The following FBXL17 variants were observed in gnomAD, a reference collection of about 807,000 sequenced individuals.
FBXL17 encodes F-box/LRR-repeat protein 17.
In FBXL17, 22 loss-of-function variants were observed where a neutral mutation model predicts 66.2. That is an observed-to-expected ratio of 0.33 (90% CI 0.24 to 0.47). The LOEUF (loss-of-function observed/expected upper bound fraction) is 0.47. FBXL17 is among the 20% of genes least tolerant of loss of function. The pLI, the probability that FBXL17 is intolerant of heterozygous loss-of-function variation, is 1.00. For synonymous variants in FBXL17, 474 were observed against 400.5 expected, an observed-to-expected ratio of 1.18 and a Z score of -2.19; for missense variants, 878 against 948.2, an observed-to-expected ratio of 0.93 and a Z score of 0.97.
At chr5:108,013,294 T>A (rs532970174) in intron 7 of FBXL17, among the ~76,000 whole-genome samples, 66 of 152,286 alleles carry the variant, frequency 4.3e-4, no homozygotes, top group Non-Finnish European at 9.0e-4. Context: ...AAATTGGAAC[T>A]TACCCTGAAT....
chr5:108,059,394 T>C lies in FBXL17; in HGVS notation c.1746-38393A>G, dbSNP rs541618197. ...ATGAAGAAGCTAGAGTCTACAGGGA[T>C]TGAGAACTGGCTCCAAGATCATAAG... On this transcript the variant is annotated intron_variant, in intron 6 of 8. Transcript: ENST00000542267. Among the ~76,000 whole-genome samples the C allele has an allele frequency of 3.9e-5, 6 of 152,298 alleles. 1 individual carries two copies. The highest frequency in any genetic ancestry group is 1.4e-4 in the African/African-American group (6 of 41,564).
Position 108,380,922 on chromosome 5 carries a change from G to GGCTGCGGGGGCT in FBXL17, c.758_769dup (p.Gln253_Gln256dup). Reference sequence around the variant, plus strand: ...GGGAGAAGAGGGCGGAGGGCAGAGCGGCTGCGGGGGCTGCTCCGGGGCCTG... The same window carrying GGCTGCGGGGGCT: ...GGGAGAAGAGGGCGGAGGGCAGAGCGGCTGCGGGGGCTGCTGCGGGGGCTGCTCCGGGGCCTG... On this transcript the variant is annotated inframe_insertion, in exon 1 of 9. Coordinates refer to ENST00000542267, the MANE Select transcript of FBXL17 (RefSeq NM_001163315.3). 8.2e-7 allele frequency: 1 copy of GGCTGCGGGGGCT among 1,222,460 alleles called. No homozygotes were observed. Among genetic ancestry groups the GGCTGCGGGGGCT allele is most frequent in the Non-Finnish European group, 1.0e-6 (1 of 978,788 alleles). 75.7% of individuals were successfully genotyped at this position (1,222,460 alleles called of 1,614,324 possible). A position where few individuals can be genotyped will look rare whatever the true frequency, so the allele number is the denominator to read the frequency against.
chr5:107,998,208 G>GT (rs1753559004), intron 7 of FBXL17, among the ~76,000 whole-genome samples: 1 of 152,056 alleles, frequency 6.6e-6, no homozygotes, highest in Non-Finnish European at 1.5e-5. Context: ...AATTTCACCA[G>GT]TTTCTTTTCA....
intron 4 of FBXL17, among the ~76,000 whole-genome samples, chr5:108,302,647 C>T (rs982580778): frequency 6.6e-6 from 1 of 151,576 alleles, no homozygotes; most frequent in South Asian, 2.1e-4. Context: ...ATTTAAATAA[C>T]GTTTTAAGGA....
chr5:107,972,531 C>T (rs1752410429), intron 7 of FBXL17, among the ~76,000 whole-genome samples: 1 of 152,144 alleles, frequency 6.6e-6, no homozygotes, highest in Admixed American at 6.6e-5. Context: ...GAAGTTTCTT[C>T]CAATGTAAGA....
chr5:107,872,111 C>T (rs1269304724), intron 8 of FBXL17, among the ~76,000 whole-genome samples: 1 of 152,180 alleles, frequency 6.6e-6, no homozygotes, highest in Admixed American at 6.5e-5. Context: ...AAAATTTATT[C>T]TGCATTAATG....
In FBXL17 at chr5:107,973,636, T is replaced by C. The variant is rs73204758; in HGVS notation, c.1822+47289A>G. Reference sequence around the variant, plus strand: ...ATTTATATAATTTATTAAGATCATTTTGAATTCTAGATCTAGCATTCCAAG... The same window carrying C: ...ATTTATATAATTTATTAAGATCATTCTGAATTCTAGATCTAGCATTCCAAG... On this transcript the variant is annotated intron_variant, in intron 7 of 8. Coordinates refer to ENST00000542267, the MANE Select transcript of FBXL17 (RefSeq NM_001163315.3). Among the ~76,000 whole-genome samples, 1,165 of 152,234 alleles carry C rather than the reference T, an allele frequency of 7.7e-3. 15 individuals carry two copies. Among genetic ancestry groups the C allele is most frequent in the African/African-American group, 0.027 (1,102 of 41,552 alleles).
intron 4 of FBXL17, among the ~76,000 whole-genome samples, chr5:108,338,531 G>C (rs1160275770): frequency 6.6e-6 from 1 of 152,030 alleles, no homozygotes; most frequent in Non-Finnish European, 1.5e-5. Context: ...GAAGTAACTT[G>C]AGTACTTCTA....
At chr5:108,309,143 G>A (rs988045834) in intron 4 of FBXL17, among the ~76,000 whole-genome samples, 1 of 151,990 alleles carries the variant, frequency 6.6e-6, no homozygotes, top group Non-Finnish European at 1.5e-5. Context: ...TCAATACAAT[G>A]GAAGACCAAA....
intron 6 of FBXL17, among the ~76,000 whole-genome samples, chr5:108,177,075 A>G (rs1312094057): frequency 6.6e-6 from 1 of 152,190 alleles, no homozygotes; most frequent in East Asian, 1.9e-4. Flanking sequence ...TTAATCTGCA[A>G]TGGTTAAGTA....
chr5:108,008,930 C>T (rs1452745756), intron 7 of FBXL17, among the ~76,000 whole-genome samples: 1 of 151,532 alleles, frequency 6.6e-6, no homozygotes, highest in African/African-American at 2.4e-5. Flanking sequence ...AATAAAATAT[C>T]TTCAAAGCAA....
intron 6 of FBXL17, among the ~76,000 whole-genome samples, chr5:108,057,614 G>C (rs1223278655): frequency 6.6e-6 from 1 of 152,162 alleles, no homozygotes; most frequent in Non-Finnish European, 1.5e-5. Flanking sequence ...ATCTCTTACA[G>C]TTGTGCAGCT....
At chr5:107,905,007 G>C (rs1314413501) in intron 7 of FBXL17, among the ~76,000 whole-genome samples, 1 of 151,954 alleles carries the variant, frequency 6.6e-6, no homozygotes, top group Non-Finnish European at 1.5e-5. Context: ...AAATAAGTGA[G>C]ATTCCTAGCT....
rs74649773 is a variant in FBXL17 at position 107,912,409 on chromosome 5, G to T, written c.1823-31230C>A. Among the ~76,000 whole-genome samples, 445 of 152,078 alleles carry T rather than the reference G, an allele frequency of 2.9e-3. 13 individuals carry two copies. In the East Asian group the frequency reaches 0.067, roughly 23 times the overall value. On this transcript the variant is annotated intron_variant, in intron 7 of 8. Transcript: ENST00000542267. ...TTATTATAGTGAAAAATGAAGAAGAGCTTAATGTTTACCAACATGGGAATA... is the reference window on the plus strand; with the variant it reads ...TTATTATAGTGAAAAATGAAGAAGATCTTAATGTTTACCAACATGGGAATA...
At chr5:108,286,866 T>C (rs949934619) in intron 4 of FBXL17, among the ~76,000 whole-genome samples, 3 of 151,720 alleles carry the variant, frequency 2.0e-5, no homozygotes, top group Non-Finnish European at 4.4e-5. Flanking sequence ...GGAGGCACCA[T>C]GTTCCCTGAC....
chr5:108,121,250 C>T (rs922179530), intron 6 of FBXL17, among the ~76,000 whole-genome samples: 9 of 152,070 alleles, frequency 5.9e-5, no homozygotes, highest in Admixed American at 2.6e-4. Flanking sequence ...ATCACTTGAA[C>T]CCAGCTGACA....
intron 5 of FBXL17, among the ~76,000 whole-genome samples, chr5:108,210,684 T>C (rs1415960189): frequency 1.3e-5 from 2 of 152,200 alleles, no homozygotes; most frequent in Admixed American, 1.3e-4. Context: ...GACTCTTTGT[T>C]ATGATTTCTG....
intron 8 of FBXL17, among the ~76,000 whole-genome samples, chr5:107,871,537 G>A (rs997419168): frequency 7.9e-5 from 12 of 152,148 alleles, no homozygotes; most frequent in African/African-American, 2.9e-4. Flanking sequence ...TTCCAGCCAA[G>A]TGCATGCAAG....
Position 107,860,461 on chromosome 5 carries a change from A to G in FBXL17, c.*1259T>C, listed in dbSNP as rs1421927545. 6.6e-6 allele frequency: 1 copy of G among 152,666 alleles called. No homozygotes were observed. Among genetic ancestry groups the G allele is most frequent in the East Asian group, 1.9e-4 (1 of 5,196 alleles). The allele number at this position is 152,666 out of a possible 1,614,324, so 9.5% of individuals were successfully genotyped here. On this transcript the variant is annotated 3_prime_UTR_variant, in exon 9 of 9. Coordinates refer to ENST00000542267, the MANE Select transcript of FBXL17 (RefSeq NM_001163315.3). The stretch of plus-strand genomic sequence containing the variant: ...TGAATTAATTGTAAAGATGTGTTAA[A>G]TCAAAACATATATTCATTTACTGAT...
Sources: gnomAD v4.1 joint callset for allele counts (sites outside exome capture counted in the v4.1 genomes callset) on GRCh38, gnomAD v4.1.1 for gene constraint, MANE v1.5 for transcripts, NCBI Gene and HGNC (gene_info 2026-07-23, HGNC 2026-07-21) for gene names.